The following TOM1L1 variants were observed in gnomAD, a reference collection of about 807,000 sequenced individuals.
TOM1L1 encodes target of myb1 like 1 membrane trafficking protein.
In TOM1L1, 64 loss-of-function variants were observed where a neutral mutation model predicts 63.4. The observed-to-expected ratio is 1.01, with a 90% CI of 0.83 to 1.24. TOM1L1 has a LOEUF of 1.24. Among genes scored for constraint, TOM1L1 ranks in the 50% most tolerant of loss-of-function variants. The pLI, the probability that TOM1L1 is intolerant of heterozygous loss-of-function variation, is 0.00. For synonymous variants in TOM1L1, 166 were observed against 194.4 expected, an observed-to-expected ratio of 0.85 and a Z score of 1.22; for missense variants, 536 against 567.0, an observed-to-expected ratio of 0.95 and a Z score of 0.55.
chr17:54,924,117 G>C (rs1051426900), intron 7 of TOM1L1, among the ~76,000 whole-genome samples: 8 of 152,086 alleles, frequency 5.3e-5, no homozygotes, highest in African/African-American at 1.9e-4. Context: ...GCCCTTCTCG[G>C]TCGTCTTTAG....
At chr17:54,949,219 T>TTTTTTTTGG (rs58698078) in intron 12 of TOM1L1, among the ~76,000 whole-genome samples, 1 of 145,432 alleles carries the variant, frequency 6.9e-6, no homozygotes, top group Admixed American at 6.8e-5. Context: ...TTTTTTTTTT[T>TTTTTTTTGG]GTAGAGTTGG....
At chr17:54,924,587 A>G (rs1385758454) in intron 7 of TOM1L1, among the ~76,000 whole-genome samples, 1 of 152,130 alleles carries the variant, frequency 6.6e-6, no homozygotes. Flanking sequence ...CCACCGTCCT[A>G]TCACATCACC....
In TOM1L1 at chr17:54,930,119, T is replaced by C; in HGVS notation, c.767T>C (p.Leu256Pro). The change falls in exon 8 of 16, where the codon CTG (leucine) becomes CCG (proline). Residue 256 changes from leucine (L) to proline (P), a missense_variant. Coordinates refer to ENST00000575882, the MANE Select transcript of TOM1L1 (RefSeq NM_005486.3). ...GREMQERIMDLLVVVENEDVT... is the reference protein window; with the variant it reads ...GREMQERIMDPLVVVENEDVT... ...GAGATGCAGGAGAGGATCATGGACC[T>C]GCTTGTGGTGGTGGAGAACGAAGAT... The C allele has an allele frequency of 6.2e-7, 1 of 1,614,170 alleles. No individual in the cohort carries two copies. Among genetic ancestry groups the C allele is most frequent in the South Asian group, 1.1e-5 (1 of 91,076 alleles).
At chr17:54,928,350 T>C (rs1598028831) in intron 7 of TOM1L1, among the ~76,000 whole-genome samples, 1 of 145,570 alleles carries the variant, frequency 6.9e-6, no homozygotes, top group South Asian at 2.2e-4. Context: ...CTCCTTGTAT[T>C]ATAGATGGAA....
chr17:54,912,212 C>T (rs2048507958), intron 3 of TOM1L1, among the ~76,000 whole-genome samples: 1 of 152,148 alleles, frequency 6.6e-6, no homozygotes, highest in Non-Finnish European at 1.5e-5. Flanking sequence ...TCACTCTTGC[C>T]TATAAGGGCC....
chr17:54,931,061 G>C (rs1370129099), intron 8 of TOM1L1, among the ~76,000 whole-genome samples: 1 of 151,676 alleles, frequency 6.6e-6, no homozygotes, highest in Non-Finnish European at 1.5e-5. Flanking sequence ...ATAATAAAAT[G>C]ACATGTTAAG....
At chr17:54,929,366 G>A (rs1010571024) in intron 7 of TOM1L1, among the ~76,000 whole-genome samples, 5 of 149,650 alleles carry the variant, frequency 3.3e-5, no homozygotes, top group Admixed American at 3.3e-4. Flanking sequence ...TGGCTCTGAT[G>A]CTTATGAGAA....
At chr17:54,932,267 C>T (rs1404630959) in intron 8 of TOM1L1, among the ~76,000 whole-genome samples, 1 of 152,128 alleles carries the variant, frequency 6.6e-6, no homozygotes, top group Non-Finnish European at 1.5e-5. Context: ...ATTGAGCAAG[C>T]AGGGAGTATG....
At position 54,946,500 on chromosome 17, in the gene TOM1L1, A is replaced by G. The variant is rs78023581; in HGVS notation, c.1131-761A>G. Among the ~76,000 whole-genome samples, 8 of 152,230 alleles carry G rather than the reference A, an allele frequency of 5.3e-5. No individual in the cohort carries two copies. In the East Asian group the frequency reaches 5.8e-4, roughly 11 times the overall value. On this transcript the variant is annotated intron_variant, in intron 11 of 15. Transcript: ENST00000575882. ...AAGAGGAAGATTCTTCTGTGTTTCA[A>G]TTTCCTACAAGTCCCATTGCCTCGG...
chr17:54,957,535 G>C (rs1785500646), intron 14 of TOM1L1: 1 of 152,180 alleles, frequency 6.6e-6, no homozygotes, highest in South Asian at 2.1e-4. Context: ...GGGAGAGACA[G>C]TAAAAAGCTG....
rs776906245 is a variant in TOM1L1 at position 54,903,789 on chromosome 17, A to G, written c.140A>G (p.Asp47Gly). ...TGTGACATAATTAACACTACCCAGG[A>G]TGGGTGAGTACAGCATGGTTTCCAT... Reference protein sequence around the residue: ...HICDIINTTQDGPKDAVKALK... With the variant: ...HICDIINTTQGGPKDAVKALK... Residue 47 changes from aspartate (D) to glycine (G), a missense_variant, in exon 2 of 16, where the codon GAT (aspartate) becomes GGT (glycine). Physicochemically the swap from Asp to Gly is moderately conservative, Grantham distance 94 (BLOSUM62 -1). Transcript: ENST00000575882. 8 of 1,612,990 alleles carry G rather than the reference A, an allele frequency of 5.0e-6. No homozygotes were observed. Among genetic ancestry groups the G allele is most frequent in the Non-Finnish European group, 6.8e-6 (8 of 1,179,024 alleles).
chr17:54,948,029 C>G (rs1239562795), intron 12 of TOM1L1, among the ~76,000 whole-genome samples: 1 of 152,180 alleles, frequency 6.6e-6, no homozygotes, highest in Non-Finnish European at 1.5e-5. Context: ...CTGCTCTTTG[C>G]TGCATAGGTC....
chr17:54,949,665 T>A (rs550261264), intron 13 of TOM1L1, 42 bp downstream of exon 13: 51 of 1,403,020 alleles, frequency 3.6e-5, no homozygotes, highest in Middle Eastern at 3.5e-4. Context: ...AGGAAACTTA[T>A]GAGAATATAT....
In TOM1L1 at chr17:54,905,517, A is replaced by T; in HGVS notation, c.172A>T (p.Lys58Ter). The stretch of plus-strand genomic sequence containing the variant: ...AAAAGATGCAGTGAAAGCTTTGAAG[A>T]AAAGGATTTCCAAAAACTACAATCA... The part of the protein sequence containing the change: ...GPKDAVKALK[K>*]RISKNYNHKE... Residue 58 changes from lysine to a stop codon, truncating the protein, a stop_gained, in exon 3 of 16, where the codon AAA (lysine) becomes TAA (stop). Transcript: ENST00000575882. LOFTEE classifies it high-confidence loss of function. 6.2e-7 allele frequency: 1 copy of T among 1,612,292 alleles called. No homozygotes were observed. Among genetic ancestry groups the T allele is most frequent in the South Asian group, 1.1e-5 (1 of 90,654 alleles).
intron 4 of TOM1L1, 58 bp from the exon 5 acceptor site, chr17:54,913,686 GAATT>G (rs1403995965): frequency 1.8e-6 from 2 of 1,121,980 alleles, no homozygotes; most frequent in Non-Finnish European, 2.3e-6. Flanking sequence ...AAAAAAAAAA[GAATT>G]GTGTTTTGGT....
chr17:54,904,093 C>T (rs779218629), intron 2 of TOM1L1, among the ~76,000 whole-genome samples: 7 of 152,108 alleles, frequency 4.6e-5, no homozygotes, highest in African/African-American at 9.7e-5. Context: ...AAAGGCCGGG[C>T]GCAGTGGCTC....
intron 7 of TOM1L1, among the ~76,000 whole-genome samples, chr17:54,926,152 G>A (rs2048765859): frequency 6.6e-6 from 1 of 152,194 alleles, no homozygotes. Flanking sequence ...CTCTTAGGCA[G>A]TAAAACCATT....
At position 54,915,777 on chromosome 17, in the gene TOM1L1, T is replaced by C. The variant is rs1434310946; in HGVS notation, c.635T>C (p.Val212Ala). 6 of 1,612,402 alleles carry C rather than the reference T, an allele frequency of 3.7e-6. 1 individual carries two copies. The highest frequency in any genetic ancestry group is 5.1e-6 in the Non-Finnish European group (6 of 1,179,340). The change falls in exon 7 of 16, where the codon GTG becomes GCG. Residue 212 changes from valine to alanine, a missense_variant. Transcript: ENST00000575882. ...AAACTGCACAGTGAATTGGATATGG[T>C]GAAAATGAATGTGCGAGTGATGTCC... ...IGKLHSELDM[V>A]KMNVRVMSAI...
intron 3 of TOM1L1, among the ~76,000 whole-genome samples, chr17:54,907,210 G>T (rs929405398): frequency 1.3e-5 from 2 of 149,246 alleles, no homozygotes; most frequent in African/African-American, 5.0e-5. Flanking sequence ...TCACAGAATG[G>T]AGAAGACGGG....
Sources: allele counts gnomAD v4.1 joint callset (sites outside exome capture counted in the v4.1 genomes callset), GRCh38; gene constraint gnomAD v4.1.1; transcripts MANE v1.5; gene names NCBI Gene and HGNC (gene_info 2026-07-23, HGNC 2026-07-21).